XPO6: variants seen among roughly 807,000 people sequenced by gnomAD.
XPO6 encodes the protein exportin 6, also known as exportin-6.
XPO6 carries 3 observed loss-of-function variants against 130.0 expected under a neutral mutation model. The ratio of observed to expected loss-of-function variants is 0.02; its 90% CI spans 0.01 to 0.06. The LOEUF is 0.06. Among genes scored for constraint, XPO6 ranks in the 10% least tolerant of loss-of-function variants. XPO6 has a pLI of 1.00. For missense variants in XPO6, 970 were observed against 1,393.0 expected (o/e 0.70, Z 4.83); for synonymous variants, 524 against 548.9 (o/e 0.95, Z 0.63).
At chr16:28,129,083 T>C (rs1400217085) in intron 12 of XPO6, among the ~76,000 whole-genome samples, 2 of 152,218 alleles carry the variant, frequency 1.3e-5, no homozygotes, top group Non-Finnish European at 2.9e-5. Context: ...AATATGAAAC[T>C]GTTGACACTT....
chr16:28,152,974 A>G, intron 7 of XPO6, 189 bp from the exon 8 acceptor site: 1 of 1,262,288 alleles, frequency 7.9e-7, no homozygotes, highest in Admixed American at 4.3e-5. Flanking sequence ...CCTGAAACAT[A>G]GCAGAAAAGC....
At chr16:28,143,724 C>T (rs2042935440) in intron 9 of XPO6, among the ~76,000 whole-genome samples, 1 of 152,140 alleles carries the variant, frequency 6.6e-6, no homozygotes, top group South Asian at 2.1e-4. Flanking sequence ...GCAACCTCTG[C>T]CACCCGGGTT....
At chr16:28,173,123 AT>A (rs1361995658) in intron 4 of XPO6, 1 of 152,274 alleles carries the variant, frequency 6.6e-6, no homozygotes, top group East Asian at 1.9e-4. Context: ...AAGGATGTGC[AT>A]AGGTTACGTG....
chr16:28,209,988 G>A (rs1048309381), intron 1 of XPO6, among the ~76,000 whole-genome samples: 1 of 152,068 alleles, frequency 6.6e-6, no homozygotes, highest in Non-Finnish European at 1.5e-5. Context: ...AATTAGCCAG[G>A]CATGGTGGCA....
intron 10 of XPO6, among the ~76,000 whole-genome samples, 199 bp downstream of exon 10, chr16:28,135,017 C>A (rs1023091688): frequency 1.3e-5 from 2 of 152,116 alleles, no homozygotes; most frequent in African/African-American, 4.8e-5. Flanking sequence ...GATAAAAAAG[C>A]CTGTAAAACA....
intron 3 of XPO6, among the ~76,000 whole-genome samples, 156 bp downstream of exon 3, chr16:28,177,063 CA>C (rs1284055169): frequency 6.6e-6 from 1 of 152,144 alleles, no homozygotes; most frequent in Non-Finnish European, 1.5e-5. Flanking sequence ...GAAGATGCCC[CA>C]AACACCAGAC....
At chr16:28,154,133 C>A (rs2043142253) in intron 7 of XPO6, 3 of 984,988 alleles carry the variant, frequency 3.0e-6, no homozygotes, top group Non-Finnish European at 3.6e-6. Context: ...CACTAATACT[C>A]AAGAGTAGGA....
At position 28,202,808 on chromosome 16, in the gene XPO6, C is replaced by T. The variant is rs114427825; in HGVS notation, c.3+8558G>A. Among the ~76,000 whole-genome samples, 691 of 152,198 alleles carry T rather than the reference C, an allele frequency of 4.5e-3. 6 individuals are homozygous for T. Among genetic ancestry groups the T allele is most frequent in the African/African-American group, 0.016 (667 of 41,516 alleles). ...AGCCATGGGAGGCTAAACCAAGAGA[C>T]TAATACCATGGATGCCACGGGAGCC... On this transcript the variant is annotated intron_variant, in intron 1 of 23. Transcript: ENST00000304658.
At chr16:28,166,703 T>C (rs2043362305) in intron 5 of XPO6, 118 bp from the exon 6 acceptor site, 1 of 1,499,452 alleles carries the variant, frequency 6.7e-7, no homozygotes, top group Admixed American at 2.1e-5. Context: ...CATCCCTTTC[T>C]TGACCATGTC....
chr16:28,131,389 A>G (rs1440311799), intron 12 of XPO6, among the ~76,000 whole-genome samples: 1 of 152,212 alleles, frequency 6.6e-6, no homozygotes, highest in Non-Finnish European at 1.5e-5. Flanking sequence ...CTGGGCTGAA[A>G]CAACAGTTAC....
Position 28,104,697 on chromosome 16 carries a change from G to A in XPO6, c.2795C>T (p.Pro932Leu). The A allele has an allele frequency of 1.9e-6, 3 of 1,613,968 alleles. No homozygotes were observed. The highest frequency in any genetic ancestry group is 2.2e-5 in the South Asian group (2 of 91,082). Residue 932 changes from proline to leucine, a missense_variant, in exon 21 of 24, where the codon CCT becomes CTT. This residue lies in a region of XPO6 where 936 missense variants were observed against 1,306.8 expected (regional missense o/e 0.72). Coordinates refer to ENST00000304658, the MANE Select transcript of XPO6 (RefSeq NM_015171.4). ...CTCAAACAGCTCGGCCTTCACATCA[G>A]GGGAGGGACGCTGCAAAGACACACA... ...VYPIIAERPSPDVKAELFELL... is the reference protein window; with the variant it reads ...VYPIIAERPSLDVKAELFELL...
intron 17 of XPO6, among the ~76,000 whole-genome samples, chr16:28,109,619 A>T (rs2086870900): frequency 6.6e-6 from 1 of 152,236 alleles, no homozygotes; most frequent in Non-Finnish European, 1.5e-5. Flanking sequence ...ACATATGACA[A>T]GAAAACAGGC....
At chr16:28,151,819 G>C (rs2141817667) in intron 8 of XPO6, among the ~76,000 whole-genome samples, 1 of 152,262 alleles carries the variant, frequency 6.6e-6, no homozygotes, top group East Asian at 1.9e-4. Flanking sequence ...CTTGAGGCCA[G>C]GTGTTCAAAG....
chr16:28,143,875 TC>T (rs1227880909), intron 9 of XPO6, among the ~76,000 whole-genome samples: 1 of 152,118 alleles, frequency 6.6e-6, no homozygotes, highest in African/African-American at 2.4e-5. Flanking sequence ...GACCTCGTGG[TC>T]CCCCTGCCTT....
intron 1 of XPO6, among the ~76,000 whole-genome samples, chr16:28,185,126 TCACAAA>T (rs1249540472): frequency 6.6e-6 from 1 of 152,162 alleles, no homozygotes; most frequent in East Asian, 1.9e-4. Context: ...CAGATGAATC[TCACAAA>T]CACAATGTAG....
In XPO6 at chr16:28,115,464, CT is replaced by C. The variant is rs570470382; in HGVS notation, c.2004+1853del. Reference sequence around the variant, plus strand: ...CCAATCAGCAGATTTTGAAAGGAATCTTTTTTTCTGAGCAGGTCTCCATAAT... The same window carrying C: ...CCAATCAGCAGATTTTGAAAGGAATCTTTTTTCTGAGCAGGTCTCCATAAT... On this transcript the variant is annotated intron_variant, in intron 15 of 23. Coordinates refer to ENST00000304658, the MANE Select transcript of XPO6 (RefSeq NM_015171.4). Among the ~76,000 whole-genome samples the C allele has an allele frequency of 3.2e-3, 485 of 152,286 alleles. 5 individuals are homozygous for C. Among genetic ancestry groups the C allele is most frequent in the African/African-American group, 0.011 (470 of 41,554 alleles).
rs769111816 is a variant in XPO6, at chr16:28,156,385, C to G, written c.786G>C (p.Leu262=). The G allele has an allele frequency of 6.2e-7, 1 of 1,614,000 alleles. No homozygotes were observed. The highest frequency in any genetic ancestry group is 8.5e-7 in the Non-Finnish European group (1 of 1,180,012). The change falls in exon 7 of 24, where the codon CTG becomes CTC. Residue 262 remains leucine (L), a synonymous_variant. Coordinates refer to ENST00000304658, the MANE Select transcript of XPO6 (RefSeq NM_015171.4). ...GGAGGGATGGGGTGATGCTGGCAGA[C>G]AGAGGAATCCAACTGAAGAGATGGG... The part of the protein sequence containing the change: ...CLAHLFSWIP[L]SASITPSLLT...
chr16:28,201,037 TCAC>T, intron 1 of XPO6, among the ~76,000 whole-genome samples: 3 of 152,026 alleles, frequency 2.0e-5, no homozygotes, highest in African/African-American at 7.2e-5. Context: ...CACAAAGACC[TCAC>T]CTCACCCACT....
chr16:28,197,866 C>T (rs1215454870), intron 1 of XPO6, among the ~76,000 whole-genome samples: 2 of 139,950 alleles, frequency 1.4e-5, no homozygotes, highest in Non-Finnish European at 3.0e-5. Context: ...TTACAGTGAG[C>T]CAAGATCACG....
Sources: gnomAD v4.1 joint callset for allele counts (sites outside exome capture counted in the v4.1 genomes callset) on GRCh38, gnomAD v4.1.1 for gene constraint, gnomAD v4.1.1 regional missense constraint, MANE v1.5 for transcripts, NCBI Gene and HGNC (gene_info 2026-07-23, HGNC 2026-07-21) for gene names.